The following ZNF780B variants were observed in gnomAD, a reference collection of about 807,000 sequenced individuals.
ZNF780B encodes zinc finger protein 780B.
ZNF780B carries 52 observed loss-of-function variants against 74.1 expected under a neutral mutation model. The ratio of observed to expected loss-of-function variants is 0.70; its 90% CI spans 0.56 to 0.88. The LOEUF (loss-of-function observed/expected upper bound fraction) is 0.88. Among genes scored for constraint, ZNF780B ranks in the 40% least tolerant of loss-of-function variants. The probability of loss-of-function intolerance (pLI) is 0.00; values close to 1 mark genes in which losing one functional copy is unlikely to be tolerated. For missense variants in ZNF780B, 953 were observed against 1,007.6 expected (o/e 0.95, Z 0.73); for synonymous variants, 315 against 324.3 (o/e 0.97, Z 0.31).
intron 4 of ZNF780B, among the ~76,000 whole-genome samples, chr19:40,040,005 G>A (rs1264156843): frequency 6.6e-6 from 1 of 152,008 alleles, no homozygotes; most frequent in South Asian, 2.1e-4. Flanking sequence ...CAAAGGGAAT[G>A]CTTCCAGTTT....
At chr19:40,038,325 T>C (rs1972455643) in intron 4 of ZNF780B, among the ~76,000 whole-genome samples, 1 of 152,082 alleles carries the variant, frequency 6.6e-6, no homozygotes, top group South Asian at 2.1e-4. Flanking sequence ...TGTTGGACAT[T>C]TGGGTTGGTT....
rs74179712 is a variant in ZNF780B at position 40,050,196 on chromosome 19, C to CAAAAAAA, written c.9+121_9+127dup. ...TGGGTGACAGAGCAAGACTCCGTCT[C>CAAAAAAA]AAAAAAAAAAAAAAAAAAAAAAAAA... On this transcript the variant is annotated intron_variant, in intron 2 of 4. Transcript: ENST00000434248. 8.6e-4 allele frequency: 337 copies of CAAAAAAA among 392,340 alleles called. 7 individuals carry two copies. The highest frequency in any genetic ancestry group is 3.8e-3 in the African/African-American group (55 of 14,630). 24.3% of individuals were successfully genotyped at this position (392,340 alleles called of 1,614,324 possible).
Position 40,036,349 on chromosome 19 carries a change from A to C in ZNF780B, c.510T>G (p.Cys170Trp). The C allele has an allele frequency of 6.2e-7, 1 of 1,613,772 alleles. No homozygotes were observed. Among genetic ancestry groups the C allele is most frequent in the East Asian group, 2.2e-5 (1 of 44,856 alleles). Residue 170 changes from cysteine to tryptophan, a missense_variant, in exon 5 of 5, where the codon TGT becomes TGG. By Grantham distance (215) the Cys-to-Trp change is radical. Transcript: ENST00000434248. ...NTHKPYECKE[C>W]GKYFSCGSNL... ...TTGAACCACAACTAAAGTATTTCCCACATTCCTTACATTCATATGGTTTAT... is the reference window on the plus strand; with the variant it reads ...TTGAACCACAACTAAAGTATTTCCCCCATTCCTTACATTCATATGGTTTAT...
Position 40,029,561 on chromosome 19 carries a change from G to A in ZNF780B, c.*4796C>T, listed in dbSNP as rs1461777560. ...CAGAGGGAACTTCTGACCTTAGGAT[G>A]ACATTTTCAACTCTGAAACTATTAA... On this transcript the variant is annotated 3_prime_UTR_variant, in exon 5 of 5. Transcript: ENST00000434248. 1 of 154,694 alleles carries A rather than the reference G, an allele frequency of 6.5e-6. No homozygotes were observed. The highest frequency in any genetic ancestry group is 1.5e-5 in the Non-Finnish European group (1 of 68,214). 9.6% of individuals were successfully genotyped at this position (154,694 alleles called of 1,614,324 possible).
intron 4 of ZNF780B, among the ~76,000 whole-genome samples, chr19:40,044,786 C>A (rs928658677): frequency 6.6e-6 from 1 of 152,038 alleles, no homozygotes; most frequent in Non-Finnish European, 1.5e-5. Context: ...GAGAAAGGAA[C>A]AAAGGATAAA....
Position 40,036,350 on chromosome 19 carries a change from C to T in ZNF780B, c.509G>A (p.Cys170Tyr), listed in dbSNP as rs770573467. Residue 170 changes from cysteine to tyrosine, a missense_variant, in exon 5 of 5, where the codon TGT becomes TAT. Physicochemically the swap from Cys to Tyr is radical, Grantham distance 194. Coordinates refer to ENST00000434248, the MANE Select transcript of ZNF780B (RefSeq NM_001005851.3). The stretch of plus-strand genomic sequence containing the variant: ...TGAACCACAACTAAAGTATTTCCCA[C>T]ATTCCTTACATTCATATGGTTTATG... Reference protein sequence around the residue: ...NTHKPYECKECGKYFSCGSNL... With the variant: ...NTHKPYECKEYGKYFSCGSNL... 2.5e-5 allele frequency: 41 copies of T among 1,613,664 alleles called. 1 individual carries two copies. In the South Asian group the frequency reaches 4.3e-4, roughly 17 times the overall value.
At chr19:40,052,778 A>G (rs1426791926) in intron 1 of ZNF780B, among the ~76,000 whole-genome samples, 1 of 152,172 alleles carries the variant, frequency 6.6e-6, no homozygotes, top group East Asian at 1.9e-4. Context: ...CCCAGAATAA[A>G]TCCATATGTT....
chr19:40,038,250 T>C (rs1293025755), intron 4 of ZNF780B, among the ~76,000 whole-genome samples: 7 of 150,874 alleles, frequency 4.6e-5, no homozygotes, highest in South Asian at 4.2e-4. Context: ...GAACTCATCA[T>C]TTTTTATGGC....
intron 4 of ZNF780B, 41 bp downstream of exon 4, chr19:40,047,334 G>T: frequency 6.5e-7 from 1 of 1,537,130 alleles, no homozygotes; most frequent in South Asian, 1.1e-5. Context: ...GGCTGTCCGG[G>T]ACAATGATGG....
intron 4 of ZNF780B, 40 bp from the exon 5 acceptor site, chr19:40,036,666 A>G (rs754781391): frequency 4.8e-6 from 6 of 1,246,032 alleles, no homozygotes; most frequent in South Asian, 1.6e-5. Context: ...TTATTTTCCT[A>G]TAACATACAT....
In ZNF780B at chr19:40,031,967, A is replaced by G; in HGVS notation, c.*2390T>C. 2.4e-6 allele frequency: 1 copy of G among 424,948 alleles called. No individual in the cohort carries two copies. The highest frequency in any genetic ancestry group is 4.6e-6 in the Non-Finnish European group (1 of 216,384). 26.3% of individuals were successfully genotyped at this position (424,948 alleles called of 1,614,324 possible). On this transcript the variant is annotated 3_prime_UTR_variant, in exon 5 of 5. Transcript: ENST00000434248. ...GACCTGTACTTAAATGTTTTCTGAC[A>G]GTACAATATGACATAGAAATAACCT...
At chr19:40,050,798 T>G (rs1233243820) in intron 1 of ZNF780B, among the ~76,000 whole-genome samples, 1 of 152,186 alleles carries the variant, frequency 6.6e-6, no homozygotes, top group African/African-American at 2.4e-5. Flanking sequence ...AGAACCTCTT[T>G]GTGAACTCAG....
chr19:40,043,175 C>G (rs1238833449), intron 4 of ZNF780B, among the ~76,000 whole-genome samples: 2 of 152,154 alleles, frequency 1.3e-5, no homozygotes, highest in African/African-American at 2.4e-5. Context: ...CACTCCAGAC[C>G]CTGTTTGCCT....
At chr19:40,038,542 G>A (rs995924298) in intron 4 of ZNF780B, among the ~76,000 whole-genome samples, 5 of 147,104 alleles carry the variant, frequency 3.4e-5, no homozygotes, top group African/African-American at 1.2e-4. Flanking sequence ...CAGTGTAAAA[G>A]TGTTCCTATT....
chr19:40,029,453 G>A lies in ZNF780B; in HGVS notation c.*4904C>T, dbSNP rs1203631124. 1 of 154,836 alleles carries A rather than the reference G, an allele frequency of 6.5e-6. No homozygotes were observed. The highest frequency in any genetic ancestry group is 2.4e-5 in the African/African-American group (1 of 41,528). 9.6% of individuals were successfully genotyped at this position (154,836 alleles called of 1,614,324 possible). A position where few individuals can be genotyped will look rare whatever the true frequency, so the allele number is the denominator to read the frequency against. ...GCCTTAAAAGGAGATAAACTTCTCAGCTATCACCATACATAAAACATAATT... is the reference window on the plus strand; with the variant it reads ...GCCTTAAAAGGAGATAAACTTCTCAACTATCACCATACATAAAACATAATT... On this transcript the variant is annotated 3_prime_UTR_variant, in exon 5 of 5. Transcript: ENST00000434248.
chr19:40,036,146 C>T lies in ZNF780B; in HGVS notation c.713G>A (p.Arg238His), dbSNP rs565606223. The change falls in exon 5 of 5, where the codon CGC becomes CAC. Residue 238 changes from arginine to histidine, a missense_variant. Physicochemically the swap from Arg to His is conservative, Grantham distance 29 (BLOSUM62 0). Transcript: ENST00000434248. The part of the protein sequence containing the change: ...KAFNLPTQLN[R>H]HKNIHTVKKL... ...CTTAACTGTGTGAATGTTCTTATGG[C>T]GATTAAGCTGGGTGGGAAGATTAAA... is the stretch of plus-strand genomic sequence containing the variant. 25 of 1,613,854 alleles carry T rather than the reference C, an allele frequency of 1.5e-5. No individual in the cohort carries two copies. The highest frequency in any genetic ancestry group is 6.7e-5 in the East Asian group (3 of 44,872).
At chr19:40,043,891 C>G (rs1265570625) in intron 4 of ZNF780B, among the ~76,000 whole-genome samples, 1 of 152,234 alleles carries the variant, frequency 6.6e-6, no homozygotes, top group Non-Finnish European at 1.5e-5. Context: ...TTGGCTTGCA[C>G]ACAGTGCGCT....
At position 40,050,366 on chromosome 19, in the gene ZNF780B, C is replaced by T. The variant is rs373593314; in HGVS notation, c.-34G>A. 403 of 1,587,626 alleles carry T rather than the reference C, an allele frequency of 2.5e-4. 4 individuals are homozygous for T. Among genetic ancestry groups the T allele is most frequent in the Admixed American group, 6.9e-5 (4 of 58,160 alleles). On this transcript the variant is annotated 5_prime_UTR_variant, in exon 2 of 5. Coordinates refer to ENST00000434248, the MANE Select transcript of ZNF780B (RefSeq NM_001005851.3). The stretch of plus-strand genomic sequence containing the variant: ...AATTACAAAATTGGTCAATCTTCCT[C>T]GGGCTTCTCCCCTGGAAAACAACAA...
chr19:40,040,487 A>G (rs1251595314), intron 4 of ZNF780B, among the ~76,000 whole-genome samples: 1 of 152,232 alleles, frequency 6.6e-6, no homozygotes, highest in Admixed American at 6.5e-5. Context: ...AAGGAATGGT[A>G]CCAGCTCCTC....
Sources: gnomAD v4.1 joint callset for allele counts (sites outside exome capture counted in the v4.1 genomes callset) on GRCh38, gnomAD v4.1.1 for gene constraint, MANE v1.5 for transcripts, NCBI Gene and HGNC (gene_info 2026-07-23, HGNC 2026-07-21) for gene names.